The following RABL3 variants were observed in gnomAD, a reference collection of about 807,000 sequenced individuals.
RABL3 encodes the protein RAB, member of RAS oncogene family like 3.
A neutral mutation model predicts 31.8 loss-of-function variants in RABL3; 31 were observed. That is an observed-to-expected ratio of 0.97 (90% CI 0.73 to 1.31). The LOEUF is 1.31. Among genes scored for constraint, RABL3 ranks in the 40% most tolerant of loss-of-function variants. The probability of loss-of-function intolerance (pLI) is 0.00; values close to 1 mark genes in which losing one functional copy is unlikely to be tolerated. For synonymous variants in RABL3, 97 were observed against 99.9 expected (o/e 0.97, Z 0.18); for missense variants, 263 against 279.6 (o/e 0.94, Z 0.42).
chr3:120,697,024 T>C (rs1197693804), intron 5 of RABL3, among the ~76,000 whole-genome samples: 2 of 152,208 alleles, frequency 1.3e-5, no homozygotes, highest in Non-Finnish European at 2.9e-5. Flanking sequence ...ACCTGAGTTA[T>C]TTGTTAAAAC....
At chr3:120,736,848 T>C (rs911482501) in intron 1 of RABL3, among the ~76,000 whole-genome samples, 2 of 152,246 alleles carry the variant, frequency 1.3e-5, no homozygotes, top group African/African-American at 2.4e-5. Flanking sequence ...TTTAAGAATG[T>C]TGAATATTGG....
At position 120,686,701 on chromosome 3, in the gene RABL3, A is replaced by G. The variant is rs760861457; in HGVS notation, c.*3122T>C. 2 of 152,246 alleles carry G rather than the reference A, an allele frequency of 1.3e-5. No homozygotes were observed. Among genetic ancestry groups the G allele is most frequent in the Non-Finnish European group, 2.9e-5 (2 of 68,050 alleles). 9.4% of individuals were successfully genotyped at this position (152,246 alleles called of 1,614,324 possible). On this transcript the variant is annotated 3_prime_UTR_variant, in exon 8 of 8. Coordinates refer to ENST00000273375, the MANE Select transcript of RABL3 (RefSeq NM_173825.5). Reference sequence around the variant, plus strand: ...ACAGATTATTGAGAAAAGCACACACATTTATTTACTGTAAGTTTTACATGA... The same window carrying G: ...ACAGATTATTGAGAAAAGCACACACGTTTATTTACTGTAAGTTTTACATGA...
At chr3:120,707,750 T>C (rs1708567842) in intron 3 of RABL3, among the ~76,000 whole-genome samples, 1 of 152,072 alleles carries the variant, frequency 6.6e-6, no homozygotes. Context: ...AGTTGGCTAT[T>C]AGATGGACAG....
chr3:120,732,823 T>C (rs986401705), intron 1 of RABL3, among the ~76,000 whole-genome samples: 1 of 152,000 alleles, frequency 6.6e-6, no homozygotes, highest in African/African-American at 2.4e-5. Context: ...TTTGGTTTTT[T>C]GTCCTTGCGA....
chr3:120,741,122 A>G (rs971239602), intron 1 of RABL3, among the ~76,000 whole-genome samples: 4 of 152,258 alleles, frequency 2.6e-5, no homozygotes, highest in Admixed American at 6.5e-5. Context: ...GAAGTCTGTT[A>G]GTTCTGGATT....
At chr3:120,722,765 A>G (rs1470686822) in intron 2 of RABL3, 2 of 152,232 alleles carry the variant, frequency 1.3e-5, no homozygotes, top group African/African-American at 4.8e-5. Flanking sequence ...CAAAGACACA[A>G]CATACCAGAA....
chr3:120,686,248 C>A lies in RABL3; in HGVS notation c.*3575G>T, dbSNP rs1447296854. Among the ~76,000 whole-genome samples the A allele has an allele frequency of 6.6e-6, 1 of 152,138 alleles. No individual in the cohort carries two copies. The highest frequency in any genetic ancestry group is 1.5e-5 in the Non-Finnish European group (1 of 68,032). The stretch of plus-strand genomic sequence containing the variant: ...CTTTGAATTTTAACATATATTAAAC[C>A]AATGCAGACACCCTGTTAGACCTTT... On this transcript the variant is annotated 3_prime_UTR_variant, in exon 8 of 8. Coordinates refer to ENST00000273375, the MANE Select transcript of RABL3 (RefSeq NM_173825.5).
intron 1 of RABL3, among the ~76,000 whole-genome samples, chr3:120,741,889 T>C (rs1709047849): frequency 6.6e-6 from 1 of 152,202 alleles, no homozygotes; most frequent in Non-Finnish European, 1.5e-5. Flanking sequence ...AATTATAACT[T>C]AGCGTTTAAG....
At chr3:120,726,309 G>T (rs1208712403) in intron 2 of RABL3, among the ~76,000 whole-genome samples, 1 of 152,074 alleles carries the variant, frequency 6.6e-6, no homozygotes, top group East Asian at 1.9e-4. Flanking sequence ...AATTTTGTTT[G>T]CTATCTGTGC....
chr3:120,716,708 A>G (rs919980958), intron 2 of RABL3, among the ~76,000 whole-genome samples: 4 of 152,188 alleles, frequency 2.6e-5, no homozygotes, highest in African/African-American at 9.6e-5. Context: ...CTAATTCTGG[A>G]GATCCCTTCG....
In RABL3 at chr3:120,707,796, T is replaced by A. The variant is rs183352228; in HGVS notation, c.269-1682A>T. ...ACTGAGGATCTTTAGGTAAGACTTT[T>A]GAGCTTTTAAGGGCATTTGAGTACC... On this transcript the variant is annotated intron_variant, in intron 3 of 7. Transcript: ENST00000273375. Among the ~76,000 whole-genome samples the A allele has an allele frequency of 2.8e-3, 429 of 152,224 alleles. 3 individuals are homozygous for A. The highest frequency in any genetic ancestry group is 9.7e-3 in the African/African-American group (403 of 41,556).
intron 4 of RABL3, 75 bp from the exon 5 acceptor site, chr3:120,698,648 A>T: frequency 6.6e-6 from 8 of 1,209,438 alleles, no homozygotes; most frequent in Non-Finnish European, 9.2e-6. Context: ...AAGTGCAACT[A>T]AGTTACACTA....
chr3:120,732,091 A>G (rs913120286), intron 1 of RABL3, among the ~76,000 whole-genome samples: 1 of 152,172 alleles, frequency 6.6e-6, no homozygotes, highest in Non-Finnish European at 1.5e-5. Context: ...TACTGTCAAC[A>G]TGAAGGTTTA....
At chr3:120,741,683 A>AAT (rs1559826861) in intron 1 of RABL3, among the ~76,000 whole-genome samples, 2 of 152,114 alleles carry the variant, frequency 1.3e-5, no homozygotes, top group South Asian at 4.2e-4. Context: ...AGATTAAAAA[A>AAT]ATATATATAT....
chr3:120,718,687 A>G, intron 2 of RABL3, among the ~76,000 whole-genome samples: 1 of 152,258 alleles, frequency 6.6e-6, no homozygotes, highest in East Asian at 1.9e-4. Flanking sequence ...CTGGTCATCA[A>G]AACAAAATTT....
chr3:120,712,155 T>C (rs1186914497), intron 2 of RABL3, among the ~76,000 whole-genome samples: 1 of 152,152 alleles, frequency 6.6e-6, no homozygotes, highest in African/African-American at 2.4e-5. Flanking sequence ...CAAATCCTTT[T>C]GGCCAAGGAA....
intron 1 of RABL3, chr3:120,738,669 T>C (rs1709002646): frequency 6.6e-6 from 1 of 152,250 alleles, no homozygotes; most frequent in Non-Finnish European, 1.5e-5. Flanking sequence ...TTTTTATCTC[T>C]AGTATTTAGA....
rs1184776013 is a variant in RABL3 at position 120,686,338 on chromosome 3, C to G, written c.*3485G>C. 2.0e-5 allele frequency among the ~76,000 whole-genome samples: 3 copies of G among 152,152 alleles called. No individual in the cohort carries two copies. Among genetic ancestry groups the G allele is most frequent in the African/African-American group, 4.8e-5 (2 of 41,418 alleles). ...TTCAATTAAGCCACCATCTAGTAAC[C>G]CATACAAGGTCCTACCTATGGTGGG... On this transcript the variant is annotated 3_prime_UTR_variant, in exon 8 of 8. Coordinates refer to ENST00000273375, the MANE Select transcript of RABL3 (RefSeq NM_173825.5).
At chr3:120,730,634 T>C in intron 2 of RABL3, 62 bp downstream of exon 2, 3 of 1,089,412 alleles carry the variant, frequency 2.8e-6, no homozygotes, top group Admixed American at 1.9e-5. Context: ...AATTTGATCA[T>C]GTAATTTGAA....
Sources: gnomAD v4.1 joint callset for allele counts (sites outside exome capture counted in the v4.1 genomes callset) on GRCh38, gnomAD v4.1.1 for gene constraint, MANE v1.5 for transcripts, NCBI Gene and HGNC (gene_info 2026-07-23, HGNC 2026-07-21) for gene names.